The following ADARB2 variants were observed in gnomAD, a reference collection of about 807,000 sequenced individuals.
The protein encoded by ADARB2 is inactive double-stranded RNA-specific editase B2.
Under a neutral mutation model 62.2 loss-of-function variants are expected in ADARB2, and 25 were observed. The ratio of observed to expected loss-of-function variants is 0.40; its 90% CI spans 0.29 to 0.56. ADARB2 has a LOEUF of 0.56. Among genes scored for constraint, ADARB2 ranks in the 20% least tolerant of loss-of-function variants. The pLI, the probability that ADARB2 is intolerant of heterozygous loss-of-function variation, is 0.43. For synonymous variants in ADARB2, 572 were observed against 500.8 expected, an observed-to-expected ratio of 1.14 and a Z score of -1.90; for missense variants, 1,071 against 1,077.4, an observed-to-expected ratio of 0.99 and a Z score of 0.08.
chr10:1,225,921 G>A (rs1830741564), intron 6 of ADARB2, among the ~76,000 whole-genome samples: 1 of 151,914 alleles, frequency 6.6e-6, no homozygotes. Context: ...TATCTTTGTG[G>A]CGTTCTCTGT....
At chr10:1,342,890 G>A (rs917020199) in intron 3 of ADARB2, among the ~76,000 whole-genome samples, 2 of 152,188 alleles carry the variant, frequency 1.3e-5, no homozygotes, top group Non-Finnish European at 2.9e-5. Context: ...CCTTGTTTGT[G>A]AATCACATAA....
intron 1 of ADARB2, among the ~76,000 whole-genome samples, chr10:1,595,715 C>T (rs1268916182): frequency 6.6e-6 from 1 of 152,212 alleles, no homozygotes; most frequent in Non-Finnish European, 1.5e-5. Flanking sequence ...TTCACAATTT[C>T]TACAATTCAG....
At chr10:1,630,538 T>C (rs1469789123) in intron 1 of ADARB2, among the ~76,000 whole-genome samples, 1 of 152,078 alleles carries the variant, frequency 6.6e-6, no homozygotes, top group Non-Finnish European at 1.5e-5. Context: ...GGGTCTCCCA[T>C]GGTGACAGTG....
At chr10:1,512,342 C>T (rs1395028201) in intron 1 of ADARB2, among the ~76,000 whole-genome samples, 1 of 152,044 alleles carries the variant, frequency 6.6e-6, no homozygotes, top group Non-Finnish European at 1.5e-5. Flanking sequence ...TGCTGGATAC[C>T]AAGATGCTGA....
At chr10:1,730,321 C>G (rs1835214975) in intron 1 of ADARB2, among the ~76,000 whole-genome samples, 1 of 152,144 alleles carries the variant, frequency 6.6e-6, no homozygotes, top group Admixed American at 6.5e-5. Context: ...AATAACTGCC[C>G]CCTTTCACCT....
intron 3 of ADARB2, among the ~76,000 whole-genome samples, chr10:1,305,552 G>T (rs1183757421): frequency 3.9e-4 from 59 of 152,056 alleles, no homozygotes; most frequent in Non-Finnish European, 1.6e-4. Context: ...ACTCATTTTA[G>T]GAGGCCAGCA....
chr10:1,302,343 C>G (rs202093689), intron 3 of ADARB2, among the ~76,000 whole-genome samples: 67,727 of 149,814 alleles, frequency 0.45, 16,137 homozygotes, highest in East Asian at 0.78. Flanking sequence ...CGGCGCACCA[C>G]GAGATTATAT....
intron 1 of ADARB2, among the ~76,000 whole-genome samples, chr10:1,578,074 C>G (rs566436537): frequency 6.6e-6 from 1 of 152,164 alleles, no homozygotes; most frequent in Non-Finnish European, 1.5e-5. Context: ...ACCCCATCTG[C>G]GGGGCTTCTT....
chr10:1,623,563 T>G (rs1833732675), intron 1 of ADARB2, among the ~76,000 whole-genome samples: 1 of 152,242 alleles, frequency 6.6e-6, no homozygotes, highest in African/African-American at 2.4e-5. Context: ...CACCCGCCTC[T>G]GGCCGCCTTC....
chr10:1,233,793 C>T lies in ADARB2; in HGVS notation c.1414G>A (p.Gly472Ser), dbSNP rs759478975. Residue 472 changes from glycine to serine, a missense_variant, in exon 6 of 10, where the codon GGC becomes AGC. By Grantham distance (56) the Gly-to-Ser change is moderately conservative. Coordinates refer to ENST00000381312, the MANE Select transcript of ADARB2 (RefSeq NM_018702.4). ...AGGATGTTCTCTCGCAGCCGGTAGC[C>T]ACCTTCTTTTAACCGCACGAATATC... ...RSIFVRLKEG[G>S]YRLRENILFH... 6 of 1,613,878 alleles carry T rather than the reference C, an allele frequency of 3.7e-6. No individual in the cohort carries two copies. The highest frequency in any genetic ancestry group is 5.1e-6 in the Non-Finnish European group (6 of 1,179,992).
At chr10:1,243,093 C>T (rs1830943044) in intron 4 of ADARB2, among the ~76,000 whole-genome samples, 1 of 152,160 alleles carries the variant, frequency 6.6e-6, no homozygotes, top group African/African-American at 2.4e-5. Context: ...ACCAAATACT[C>T]CAAGCAAGGG....
At chr10:1,356,544 C>A (rs1435110195) in intron 3 of ADARB2, among the ~76,000 whole-genome samples, 1 of 152,194 alleles carries the variant, frequency 6.6e-6, no homozygotes, top group East Asian at 1.9e-4. Flanking sequence ...TGACTGAAGC[C>A]TCCCAGGGCA....
In ADARB2 at chr10:1,737,106, G is replaced by A. The variant is rs747172516; in HGVS notation, c.45C>T (p.Ser15=). Residue 15 remains serine, a synonymous_variant, in exon 1 of 10, where the codon AGC becomes AGT. Transcript: ENST00000381312. ...LGSGRGSGGL[S]SQLKCKSKRR... ...TCTTGGACTTGCATTTGAGTTGACT[G>A]CTCAGCCCTCCAGACCCTCTGCCGC... is the stretch of plus-strand genomic sequence containing the variant. 1 of 1,611,258 alleles carries A rather than the reference G, an allele frequency of 6.2e-7. No homozygotes were observed. The highest frequency in any genetic ancestry group is 8.5e-7 in the Non-Finnish European group (1 of 1,179,916).
chr10:1,720,863 C>T (rs1835082849), intron 1 of ADARB2, among the ~76,000 whole-genome samples: 1 of 152,124 alleles, frequency 6.6e-6, no homozygotes, highest in African/African-American at 2.4e-5. Context: ...ACGTGTGTGC[C>T]CGATGTCCTG....
chr10:1,723,886 G>A (rs192818541), intron 1 of ADARB2, among the ~76,000 whole-genome samples: 1 of 152,310 alleles, frequency 6.6e-6, no homozygotes, highest in East Asian at 1.9e-4. Context: ...TGATGCTACA[G>A]GGATGAAGGT....
chr10:1,253,472 C>T (rs1482341325), intron 4 of ADARB2, among the ~76,000 whole-genome samples: 3 of 152,204 alleles, frequency 2.0e-5, no homozygotes, highest in East Asian at 1.9e-4. Flanking sequence ...GATGAGCACT[C>T]GCTTGCTTTA....
intron 1 of ADARB2, among the ~76,000 whole-genome samples, chr10:1,439,063 C>T (rs1830869445): frequency 7.3e-6 from 1 of 136,688 alleles, no homozygotes; most frequent in African/African-American, 2.8e-5. Flanking sequence ...GAGGCAGGCC[C>T]TTCATGATGG....
At chr10:1,551,794 C>T (rs963033056) in intron 1 of ADARB2, among the ~76,000 whole-genome samples, 15 of 152,244 alleles carry the variant, frequency 9.9e-5, no homozygotes, top group Admixed American at 3.9e-4. Context: ...GCCGGGCTTC[C>T]GGCTCTGAAT....
chr10:1,389,838 T>C (rs1288587747), intron 1 of ADARB2, among the ~76,000 whole-genome samples: 1 of 152,096 alleles, frequency 6.6e-6, no homozygotes, highest in African/African-American at 2.4e-5. Context: ...TCAGTAACCA[T>C]GTGGAAAATC....
Sources: allele counts gnomAD v4.1 joint callset (sites outside exome capture counted in the v4.1 genomes callset), GRCh38; gene constraint gnomAD v4.1.1; transcripts MANE v1.5; gene names NCBI Gene and HGNC (gene_info 2026-07-23, HGNC 2026-07-21).